The following SRGAP3 variants were observed in gnomAD, a reference collection of about 807,000 sequenced individuals.
SRGAP3 encodes SLIT-ROBO Rho GTPase-activating protein 3.
SRGAP3 carries 39 observed loss-of-function variants against 121.1 expected under a neutral mutation model. The observed-to-expected ratio is 0.32, with a 90% CI of 0.25 to 0.42. The LOEUF (loss-of-function observed/expected upper bound fraction) is 0.42. Among genes scored for constraint, SRGAP3 ranks in the 10% least tolerant of loss-of-function variants. The pLI, the probability that SRGAP3 is intolerant of heterozygous loss-of-function variation, is 1.00. For synonymous variants in SRGAP3, 601 were observed against 570.0 expected (o/e 1.05, Z -0.77); for missense variants, 1,213 against 1,470.6 (o/e 0.82, Z 2.86).
At chr3:9,324,947 A>G (rs1429693780) in intron 3 of SRGAP3, among the ~76,000 whole-genome samples, 1 of 148,770 alleles carries the variant, frequency 6.7e-6, no homozygotes, top group African/African-American at 2.5e-5. Flanking sequence ...ACAGAGCCAG[A>G]CTCCATCTCA....
chr3:9,020,718 C>A (rs1943874399), intron 14 of SRGAP3, among the ~76,000 whole-genome samples: 1 of 152,204 alleles, frequency 6.6e-6, no homozygotes, highest in African/African-American at 2.4e-5. Flanking sequence ...TGGCTCTCTG[C>A]AAGCTAGTCA....
At chr3:9,022,691 TAA>T (rs1476350899) in intron 14 of SRGAP3, among the ~76,000 whole-genome samples, 3 of 152,154 alleles carry the variant, frequency 2.0e-5, no homozygotes, top group African/African-American at 7.2e-5. Context: ...AGGATTTTTA[TAA>T]AAGAGACATA....
intron 3 of SRGAP3, among the ~76,000 whole-genome samples, chr3:9,087,746 T>C (rs997786642): frequency 2.0e-5 from 3 of 152,130 alleles, no homozygotes; most frequent in African/African-American, 7.2e-5. Context: ...TGGGAACTAC[T>C]GAGGGTTGTT....
At chr3:9,252,694 C>G (rs907758391), upstream of SRGAP3, among the ~76,000 whole-genome samples, 2 of 152,206 alleles carry the variant, frequency 1.3e-5, no homozygotes, top group African/African-American at 4.8e-5. Context: ...GGTCCTCACC[C>G]TTCCAGTCCT....
intron 3 of SRGAP3, among the ~76,000 whole-genome samples, chr3:9,087,073 AT>A (rs1216859782): frequency 6.6e-6 from 1 of 151,908 alleles, no homozygotes; most frequent in Non-Finnish European, 1.5e-5. Context: ...TAAAATACAC[AT>A]TATATGTATA....
chr3:9,339,651 A>G (rs570288533), intron 1 of SRGAP3, among the ~76,000 whole-genome samples: 34 of 152,352 alleles, frequency 2.2e-4, no homozygotes, highest in African/African-American at 8.2e-4. Context: ...CCAGTCTTTA[A>G]AGAGAAGCAG....
chr3:9,057,645 C>A (rs919193929), intron 7 of SRGAP3, among the ~76,000 whole-genome samples: 3 of 152,176 alleles, frequency 2.0e-5, no homozygotes, highest in Non-Finnish European at 4.4e-5. Context: ...TCCCCCAATG[C>A]CCCGAGGGAG....
rs968964314 is a variant in SRGAP3 at position 9,214,964 on chromosome 3, A to C, written c.67+33921T>G. Among the ~76,000 whole-genome samples the C allele has an allele frequency of 6.6e-5, 10 of 150,734 alleles. No individual in the cohort carries two copies. In the East Asian group the frequency reaches 1.2e-3, roughly 17 times the overall value. On this transcript the variant is annotated intron_variant, in intron 1 of 21. Transcript: ENST00000383836. The stretch of plus-strand genomic sequence containing the variant: ...ATCTTCTGAGTCCTGGTTCAAAGAA[A>C]ATGAGAGTCCAGTATTCCTGGGAGG...
chr3:9,093,132 C>G (rs1947824800), intron 3 of SRGAP3, among the ~76,000 whole-genome samples: 1 of 152,154 alleles, frequency 6.6e-6, no homozygotes, highest in Non-Finnish European at 1.5e-5. Flanking sequence ...TCCCTCTCTA[C>G]ATTATCTTCA....
chr3:9,223,602 G>C (rs1363189874), intron 1 of SRGAP3, among the ~76,000 whole-genome samples: 1 of 152,154 alleles, frequency 6.6e-6, no homozygotes, highest in African/African-American at 2.4e-5. Context: ...CCTGCATCAC[G>C]GGGTTGCTAG....
chr3:9,084,625 A>G (rs2125278420), intron 3 of SRGAP3, among the ~76,000 whole-genome samples: 1 of 152,284 alleles, frequency 6.6e-6, no homozygotes, highest in East Asian at 1.9e-4. Context: ...TGTTACTTGC[A>G]GCCAAAAGCA....
chr3:9,257,676 C>T (rs1166074084), intron 3 of SRGAP3, among the ~76,000 whole-genome samples: 1 of 143,368 alleles, frequency 7.0e-6, no homozygotes. Flanking sequence ...TTCATTTACT[C>T]ACTCATTAAA....
At chr3:9,232,324 C>G (rs144549262) in intron 1 of SRGAP3, among the ~76,000 whole-genome samples, 98 of 152,268 alleles carry the variant, frequency 6.4e-4, no homozygotes, top group African/African-American at 2.3e-3. Context: ...AATACATGCT[C>G]ATTTTTTTCA....
At chr3:9,255,847 G>T (rs756661432) in intron 3 of SRGAP3, among the ~76,000 whole-genome samples, 2 of 152,166 alleles carry the variant, frequency 1.3e-5, no homozygotes, top group Non-Finnish European at 2.9e-5. Flanking sequence ...TTCTCATTTA[G>T]TATCATGATC....
chr3:9,195,100 T>C (rs1246945648), intron 1 of SRGAP3, among the ~76,000 whole-genome samples: 1 of 152,232 alleles, frequency 6.6e-6, no homozygotes, highest in Non-Finnish European at 1.5e-5. Flanking sequence ...CAGCAAGACA[T>C]CACCGAAGGT....
chr3:9,004,795 G>A lies in SRGAP3; in HGVS notation c.2227+5513C>T, dbSNP rs944918925. Among the ~76,000 whole-genome samples the A allele has an allele frequency of 2.0e-5, 3 of 152,166 alleles. No individual in the cohort carries two copies. In the East Asian group the frequency reaches 5.8e-4, roughly 29 times the overall value. ...AAATAGATCAAAGATCTAAATGTAA[G>A]ACCTAAAACTCTAAAACTCTTAAAA... is the stretch of plus-strand genomic sequence containing the variant. On this transcript the variant is annotated intron_variant, in intron 18 of 21. Transcript: ENST00000383836.
intron 1 of SRGAP3, among the ~76,000 whole-genome samples, chr3:9,162,540 C>T (rs1447059147): frequency 6.6e-6 from 1 of 152,192 alleles, no homozygotes; most frequent in Admixed American, 6.5e-5. Flanking sequence ...GTGATCCCTG[C>T]TCCTTCTGGT....
intron 9 of SRGAP3, among the ~76,000 whole-genome samples, chr3:9,047,833 C>T (rs947083378): frequency 1.3e-5 from 2 of 152,232 alleles, no homozygotes; most frequent in Non-Finnish European, 2.9e-5. Flanking sequence ...CACTGTGCTT[C>T]TGCGCCAAGA....
chr3:9,288,991 G>A (rs1420879922), intron 3 of SRGAP3, among the ~76,000 whole-genome samples: 1 of 152,118 alleles, frequency 6.6e-6, no homozygotes, highest in African/African-American at 2.4e-5. Flanking sequence ...CCACCTCCTG[G>A]ATTCAAGCGA....
Sources: gnomAD v4.1 joint callset for allele counts (sites outside exome capture counted in the v4.1 genomes callset) on GRCh38, gnomAD v4.1.1 for gene constraint, MANE v1.5 for transcripts, NCBI Gene and HGNC (gene_info 2026-07-23, HGNC 2026-07-21) for gene names.